Variants in UGT1A10 observed in about 807,000 individuals in gnomAD.
UGT1A10 encodes the protein UDP-glucuronosyltransferase 1A10.
Under a neutral mutation model 45.8 loss-of-function variants are expected in UGT1A10, and 49 were observed. The ratio of observed to expected loss-of-function variants is 1.07; its 90% CI spans 0.85 to 1.36. The LOEUF (loss-of-function observed/expected upper bound fraction) is 1.36, where lower values mean the gene tolerates loss of function less well. Among genes scored for constraint, UGT1A10 ranks in the 40% most tolerant of loss-of-function variants. The pLI, the probability that UGT1A10 is intolerant of heterozygous loss-of-function variation, is 0.00. For synonymous variants in UGT1A10, 284 were observed against 249.7 expected, an observed-to-expected ratio of 1.14 and a Z score of -1.29; for missense variants, 745 against 668.6, an observed-to-expected ratio of 1.11 and a Z score of -1.26.
At position 233,760,758 on chromosome 2, in the gene UGT1A10, C is replaced by T. The variant is rs765894633; in HGVS notation, c.856-6276C>T. The stretch of plus-strand genomic sequence containing the variant: ...TGACGGACCCTTTCCTTCCTTGCAG[C>T]CCCATCGTGGCCCAGTACCTGTCTC... On this transcript the variant is annotated intron_variant, in intron 1 of 4. Transcript: ENST00000344644. 28 of 1,613,982 alleles carry T rather than the reference C, an allele frequency of 1.7e-5. No homozygotes were observed. In the Admixed American group the frequency reaches 3.0e-4, roughly 17 times the overall value.
At chr2:233,743,013 C>T (rs1054809) in intron 1 of UGT1A10, 1 of 235,812 alleles carries the variant, frequency 4.2e-6, no homozygotes, top group Non-Finnish European at 8.4e-6. Context: ...TATTTTACAA[C>T]GATTGAAAGA....
intron 1 of UGT1A10, among the ~76,000 whole-genome samples, chr2:233,717,415 G>T (rs565971108): frequency 6.6e-6 from 1 of 152,182 alleles, no homozygotes; most frequent in Admixed American, 6.5e-5. Flanking sequence ...TGCCTCCCTT[G>T]AGCTGGGTGT....
At chr2:233,725,402 C>T (rs1244153836) in intron 1 of UGT1A10, among the ~76,000 whole-genome samples, 1 of 151,460 alleles carries the variant, frequency 6.6e-6, no homozygotes, top group Non-Finnish European at 1.5e-5. Context: ...CCTTGATGGT[C>T]TAATACAGAA....
intron 1 of UGT1A10, among the ~76,000 whole-genome samples, chr2:233,684,080 T>C (rs1032271055): frequency 6.6e-6 from 1 of 152,176 alleles, no homozygotes; most frequent in Non-Finnish European, 1.5e-5. Flanking sequence ...ATTATTTTGT[T>C]AGGGATGGAG....
intron 1 of UGT1A10, among the ~76,000 whole-genome samples, chr2:233,744,422 T>C (rs2125863019): frequency 6.6e-6 from 1 of 151,974 alleles, no homozygotes; most frequent in Non-Finnish European, 1.5e-5. Flanking sequence ...TTCATGTGGA[T>C]TATATCTATC....
intron 1 of UGT1A10, chr2:233,754,863 C>G (rs533816242): frequency 1.9e-5 from 25 of 1,351,158 alleles, no homozygotes; most frequent in Admixed American, 3.8e-5. Flanking sequence ...GGGTGCAGAC[C>G]CTCTGCTTCT....
At chr2:233,670,382 G>T (rs1212423630) in intron 1 of UGT1A10, among the ~76,000 whole-genome samples, 1 of 152,102 alleles carries the variant, frequency 6.6e-6, no homozygotes, top group Non-Finnish European at 1.5e-5. Flanking sequence ...TGACTTTTTT[G>T]CCTTTGCAAT....
chr2:233,729,457 T>C, intron 1 of UGT1A10: 1 of 1,614,120 alleles, frequency 6.2e-7, no homozygotes, highest in Non-Finnish European at 8.5e-7. Flanking sequence ...GAAGAAATTT[T>C]TCAGAAGTAT....
At chr2:233,743,729 T>C (rs767611267) in intron 1 of UGT1A10, 12 of 1,367,246 alleles carry the variant, frequency 8.8e-6, no homozygotes, top group South Asian at 2.3e-5. Flanking sequence ...GTCATAGATA[T>C]CGCGTTTCTT....
At chr2:233,652,300 A>G (rs1365349475) in intron 1 of UGT1A10, among the ~76,000 whole-genome samples, 1 of 152,264 alleles carries the variant, frequency 6.6e-6, no homozygotes, top group African/African-American at 2.4e-5. Flanking sequence ...AATGTATAGC[A>G]AGGAGAGACT....
At position 233,672,270 on chromosome 2, in the gene UGT1A10, A is replaced by C. The variant is rs767124144; in HGVS notation, c.855+34893A>C. 1.1e-5 allele frequency: 17 copies of C among 1,614,118 alleles called. No individual in the cohort carries two copies. The South Asian group carries it at 1.9e-4, about 18-fold the overall frequency. Reference sequence around the variant, plus strand: ...GTATATATTCTCTATTAATGGGTTCATACAATGACATTTTTGACTTATTTT... The same window carrying C: ...GTATATATTCTCTATTAATGGGTTCCTACAATGACATTTTTGACTTATTTT... On this transcript the variant is annotated intron_variant, in intron 1 of 4. Transcript: ENST00000344644.
intron 1 of UGT1A10, among the ~76,000 whole-genome samples, chr2:233,723,516 C>CT (rs1162916866): frequency 0.039 from 3,331 of 85,338 alleles, 215 homozygotes; most frequent in African/African-American, 0.13. Flanking sequence ...GGTCAACAAT[C>CT]TTTTTTTTTT....
intron 1 of UGT1A10, among the ~76,000 whole-genome samples, chr2:233,667,803 T>A (rs932054071): frequency 1.3e-5 from 2 of 152,132 alleles, no homozygotes; most frequent in African/African-American, 4.8e-5. Flanking sequence ...ACTGGCCATC[T>A]GAGAAATGCA....
At chr2:233,640,927 A>G (rs1260220681) in intron 1 of UGT1A10, among the ~76,000 whole-genome samples, 3 of 152,224 alleles carry the variant, frequency 2.0e-5, no homozygotes, top group Non-Finnish European at 4.4e-5. Context: ...AAGAAAAAGC[A>G]GATGAACTAT....
At chr2:233,674,272 T>C (rs1239856591) in intron 1 of UGT1A10, among the ~76,000 whole-genome samples, 1 of 152,212 alleles carries the variant, frequency 6.6e-6, no homozygotes, top group Non-Finnish European at 1.5e-5. Flanking sequence ...ACTACAGTTG[T>C]AGGCCTTTCA....
At chr2:233,666,169 G>T (rs547510652) in intron 1 of UGT1A10, among the ~76,000 whole-genome samples, 107 of 152,292 alleles carry the variant, frequency 7.0e-4, no homozygotes, top group African/African-American at 2.4e-3. Context: ...GGAGGCAGGT[G>T]CCAGGCTTTT....
At chr2:233,750,259 G>C (rs1161591814) in intron 1 of UGT1A10, among the ~76,000 whole-genome samples, 2 of 151,924 alleles carry the variant, frequency 1.3e-5, no homozygotes, top group African/African-American at 2.4e-5. Flanking sequence ...GGTCACCCTT[G>C]CTATGCTTTA....
chr2:233,670,834 T>C (rs934208914), intron 1 of UGT1A10, among the ~76,000 whole-genome samples: 1 of 152,206 alleles, frequency 6.6e-6, no homozygotes, highest in African/African-American at 2.4e-5. Context: ...GACCGTCTCT[T>C]ACTGGCAAGA....
intron 1 of UGT1A10, among the ~76,000 whole-genome samples, chr2:233,762,572 C>A (rs947472049): frequency 6.6e-6 from 1 of 152,114 alleles, no homozygotes; most frequent in Non-Finnish European, 1.5e-5. Flanking sequence ...GTCTAGTTCC[C>A]CACAGAGGAA....
Sources: allele counts gnomAD v4.1 joint callset (sites outside exome capture counted in the v4.1 genomes callset), GRCh38; gene constraint gnomAD v4.1.1; transcripts MANE v1.5; gene names NCBI Gene and HGNC (gene_info 2026-07-23, HGNC 2026-07-21).